Variants in NRXN1 observed in about 807,000 individuals in gnomAD.
NRXN1 encodes the protein neurexin-1.
A neutral mutation model predicts 150.9 loss-of-function variants in NRXN1; 39 were observed. The ratio of observed to expected loss-of-function variants is 0.26; its 90% CI spans 0.20 to 0.34. NRXN1 has a LOEUF of 0.34. Ranked by LOEUF, NRXN1 falls within the 10% of genes least tolerant of loss-of-function variation. The pLI is 1.00. For missense variants in NRXN1, 1,815 were observed against 1,949.9 expected (o/e 0.93, Z 1.30); for synonymous variants, 924 against 757.0 (o/e 1.22, Z -3.62).
intron 17 of NRXN1, among the ~76,000 whole-genome samples, chr2:50,391,400 G>C (rs116609481): frequency 0.01 from 1,532 of 152,042 alleles, 21 homozygotes; most frequent in African/African-American, 0.035. Flanking sequence ...TAATGAGTTT[G>C]GTTATAACTA....
chr2:50,266,005 T>A (rs1272988095), intron 17 of NRXN1, among the ~76,000 whole-genome samples: 37 of 76,692 alleles, frequency 4.8e-4, no homozygotes, highest in African/African-American at 1.6e-3. Context: ...ATTATTTATT[T>A]TTTTTTTTTT....
At chr2:50,411,598 C>T (rs1280020664) in intron 17 of NRXN1, among the ~76,000 whole-genome samples, 4 of 151,608 alleles carry the variant, frequency 2.6e-5, no homozygotes, top group East Asian at 3.9e-4. Flanking sequence ...TCTGCCCCAC[C>T]GCCACCCCTT....
chr2:50,136,322 G>A (rs368611913), intron 18 of NRXN1, among the ~76,000 whole-genome samples: 47 of 152,188 alleles, frequency 3.1e-4, no homozygotes, highest in African/African-American at 1.1e-3. Flanking sequence ...TCCAAACCAA[G>A]GAACAAGTTC....
intron 21 of NRXN1, among the ~76,000 whole-genome samples, chr2:50,040,966 T>A (rs1023187374): frequency 3.9e-5 from 6 of 152,298 alleles, no homozygotes; most frequent in Non-Finnish European, 7.4e-5. Flanking sequence ...GCTGCACCCA[T>A]TAACTCGTCA....
chr2:50,761,094 G>A (rs1050247120), intron 5 of NRXN1, among the ~76,000 whole-genome samples: 4 of 151,988 alleles, frequency 2.6e-5, no homozygotes, highest in African/African-American at 4.8e-5. Flanking sequence ...TCGCCTTGAA[G>A]GCTAAGTCAA....
intron 17 of NRXN1, among the ~76,000 whole-genome samples, chr2:50,262,434 C>A (rs1442646368): frequency 6.6e-6 from 1 of 151,834 alleles, no homozygotes; most frequent in East Asian, 1.9e-4. Context: ...TTTATTAGAA[C>A]CTAGTTATGT....
At chr2:50,868,424 T>G (rs1677282269) in intron 5 of NRXN1, among the ~76,000 whole-genome samples, 2 of 149,546 alleles carry the variant, frequency 1.3e-5, no homozygotes, top group African/African-American at 2.5e-5. Context: ...CGGGAGGGGG[T>G]GAACAATGAG....
rs746817147 is a variant in NRXN1, at chr2:50,013,327, C to T, written c.4128+39944G>A. ...AAATAACCAAGATCTATTTCTCATT[C>T]TAGCATGTGGTCTCAGCATTCTGTA... On this transcript the variant is annotated intron_variant, in intron 21 of 22. Transcript: ENST00000401669. Among the ~76,000 whole-genome samples the T allele has an allele frequency of 5.1e-3, 602 of 119,196 alleles. 6 individuals carry two copies. Among genetic ancestry groups the T allele is most frequent in the Admixed American group, 0.01 (105 of 10,130 alleles). The allele number at this position is 119,196 out of a possible 152,430, so 78.2% of individuals were successfully genotyped here.
rs1559106142 is a variant in NRXN1 at position 50,673,144 on chromosome 2, C to T, written c.833-49529G>A. Among the ~76,000 whole-genome samples the T allele has an allele frequency of 2.0e-5, 3 of 151,948 alleles. No individual in the cohort carries two copies. The South Asian group carries it at 6.2e-4, about 31-fold the overall frequency. On this transcript the variant is annotated intron_variant, in intron 5 of 22. Transcript: ENST00000401669. The stretch of plus-strand genomic sequence containing the variant: ...AACTAAAAGTAGTTTAGAGAAGATG[C>T]CAGCTCTCAGATTTGCTTATTTATC...
intron 21 of NRXN1, among the ~76,000 whole-genome samples, chr2:49,978,177 G>C (rs1246474761): frequency 6.6e-6 from 1 of 151,992 alleles, no homozygotes; most frequent in Non-Finnish European, 1.5e-5. Context: ...AAAAGAAAAT[G>C]TAGTAATTAC....
At chr2:50,251,758 T>G (rs930187353) in intron 17 of NRXN1, among the ~76,000 whole-genome samples, 11 of 152,222 alleles carry the variant, frequency 7.2e-5, no homozygotes, top group Non-Finnish European at 7.3e-5. Context: ...ATTGTGGTTT[T>G]GGTTCACATT....
At chr2:50,924,408 AAG>A (rs1686551009) in intron 3 of NRXN1, among the ~76,000 whole-genome samples, 1 of 151,732 alleles carries the variant, frequency 6.6e-6, no homozygotes, top group Non-Finnish European at 1.5e-5. Context: ...TGTGTGTGAA[AAG>A]AGAGAAGCAT....
chr2:50,233,580 C>T (rs1574641891), intron 18 of NRXN1, among the ~76,000 whole-genome samples: 1 of 152,026 alleles, frequency 6.6e-6, no homozygotes, highest in East Asian at 1.9e-4. Flanking sequence ...TATTGGCTTA[C>T]TCTATCAAAT....
intron 8 of NRXN1, among the ~76,000 whole-genome samples, chr2:50,586,912 T>C (rs1442319838): frequency 6.6e-6 from 1 of 152,226 alleles, no homozygotes. Context: ...TGCTAGAAAA[T>C]AAAATGTCTA....
chr2:50,247,144 A>G lies in NRXN1; in HGVS notation c.3365-10174T>C, dbSNP rs2066574251. Among the ~76,000 whole-genome samples the G allele has an allele frequency of 3.3e-5, 5 of 152,108 alleles. No individual in the cohort carries two copies. In the South Asian group the frequency reaches 1.0e-3, roughly 32 times the overall value. ...AGAAATTGGAATGATTTCACCTAAT[A>G]CAACAATCTCAGATAAGGACACAGA... On this transcript the variant is annotated intron_variant, in intron 17 of 22. Transcript: ENST00000401669.
At chr2:49,942,876 C>G (rs772102697) in intron 22 of NRXN1, among the ~76,000 whole-genome samples, 1 of 152,098 alleles carries the variant, frequency 6.6e-6, no homozygotes, top group Non-Finnish European at 1.5e-5. Context: ...TCCCAAAGTG[C>G]TGGAATTACA....
intron 5 of NRXN1, among the ~76,000 whole-genome samples, chr2:50,679,625 C>T (rs1690070942): frequency 1.3e-5 from 2 of 151,660 alleles, no homozygotes; most frequent in African/African-American, 2.4e-5. Flanking sequence ...AAATAAATTC[C>T]CTTACTGGAC....
intron 5 of NRXN1, among the ~76,000 whole-genome samples, chr2:50,631,663 C>T (rs565926209): frequency 6.6e-5 from 10 of 151,984 alleles, no homozygotes; most frequent in South Asian, 2.1e-4. Flanking sequence ...GATAATTTTC[C>T]AATCTTATTG....
At chr2:50,141,635 A>C (rs1428928825) in intron 18 of NRXN1, among the ~76,000 whole-genome samples, 1 of 152,070 alleles carries the variant, frequency 6.6e-6, no homozygotes. Flanking sequence ...CACGTTAAAG[A>C]GTGGACAAAG....
Sources: allele counts gnomAD v4.1 joint callset (sites outside exome capture counted in the v4.1 genomes callset), GRCh38; gene constraint gnomAD v4.1.1; transcripts MANE v1.5; gene names NCBI Gene and HGNC (gene_info 2026-07-23, HGNC 2026-07-21).